Variants in ARMC9 observed in about 807,000 individuals in gnomAD.
ARMC9 encodes armadillo repeat containing 9.
In ARMC9, 94 loss-of-function variants were observed where a neutral mutation model predicts 107.0. The observed-to-expected ratio is 0.88, with a 90% CI of 0.74 to 1.04. ARMC9 has a LOEUF of 1.04. Among genes scored for constraint, ARMC9 ranks in the 50% least tolerant of loss-of-function variants. The pLI, the probability that ARMC9 is intolerant of heterozygous loss-of-function variation, is 0.00. For synonymous variants in ARMC9, 380 were observed against 396.9 expected (o/e 0.96, Z 0.51); for missense variants, 942 against 1,030.1 (o/e 0.91, Z 1.17).
intron 19 of ARMC9, among the ~76,000 whole-genome samples, chr2:231,328,246 A>C (rs1233280308): frequency 6.6e-6 from 1 of 152,114 alleles, no homozygotes; most frequent in Non-Finnish European, 1.5e-5. Flanking sequence ...TTTTCTAATT[A>C]GATTGTTTGG....
Position 231,276,706 on chromosome 2 carries a change from G to A in ARMC9, c.1405G>A (p.Asp469Asn). The part of the protein sequence containing the change: ...FWLVDVLKDP[D>N]CLSDYTLEYS... The stretch of plus-strand genomic sequence containing the variant: ...GCTGGTTGATGTTCTGAAGGACCCT[G>A]ACTGCCTGTCTGACTACACGCTGGA... The change falls in exon 15 of 25, where the codon GAC becomes AAC. Residue 469 changes from aspartate to asparagine, a missense_variant. Coordinates refer to ENST00000611582, the MANE Select transcript of ARMC9 (RefSeq NM_001352754.2). 6.2e-7 allele frequency: 1 copy of A among 1,614,158 alleles called. No homozygotes were observed. The highest frequency in any genetic ancestry group is 8.5e-7 in the Non-Finnish European group (1 of 1,180,046).
chr2:231,231,987 C>CCTTTGCCAGGTGACTTTTTAAAGT (rs2035271522), intron 7 of ARMC9, among the ~76,000 whole-genome samples: 1 of 150,568 alleles, frequency 6.6e-6, no homozygotes, highest in Admixed American at 6.6e-5. Context: ...CTGTTCCCGG[C>CCTTTGCCAGGTGACTTTTTAAAGT]TGAAAAACTG....
At chr2:231,211,029 T>C (rs2032770963) in intron 3 of ARMC9, among the ~76,000 whole-genome samples, 1 of 152,320 alleles carries the variant, frequency 6.6e-6, no homozygotes, top group East Asian at 1.9e-4. Flanking sequence ...ATTGGCTTAT[T>C]TCACTCAGCA....
At chr2:231,221,430 C>G (rs2034112367) in intron 5 of ARMC9, among the ~76,000 whole-genome samples, 1 of 152,162 alleles carries the variant, frequency 6.6e-6, no homozygotes, top group African/African-American at 2.4e-5. Context: ...GGGGTTAGGA[C>G]TTCAGCATGT....
chr2:231,361,155 C>T (rs972047424), intron 23 of ARMC9, among the ~76,000 whole-genome samples: 2 of 152,188 alleles, frequency 1.3e-5, no homozygotes, highest in African/African-American at 4.8e-5. Flanking sequence ...TCAAAACTGC[C>T]AGGCGGACTT....
chr2:231,337,290 ATTT>A (rs58078324), intron 20 of ARMC9, among the ~76,000 whole-genome samples: 1 of 38,014 alleles, frequency 2.6e-5, no homozygotes, highest in African/African-American at 1.2e-4. Context: ...ATATATATAT[ATTT>A]TTTTTTTTTT....
rs923603898 is a variant in ARMC9, at chr2:231,301,062, C to T, written c.1773+4809C>T. Among the ~76,000 whole-genome samples, 3 of 152,268 alleles carry T rather than the reference C, an allele frequency of 2.0e-5. No homozygotes were observed. In the East Asian group the frequency reaches 5.8e-4, roughly 29 times the overall value. ...CTTTCATACTTAAAAGATGCACACACAGAGTACACGGAGGTATGTACTACA... is the reference window on the plus strand; with the variant it reads ...CTTTCATACTTAAAAGATGCACACATAGAGTACACGGAGGTATGTACTACA... On this transcript the variant is annotated intron_variant, in intron 19 of 24. Transcript: ENST00000611582.
intron 19 of ARMC9, among the ~76,000 whole-genome samples, chr2:231,321,756 TCTC>T (rs2043007423): frequency 6.6e-6 from 1 of 152,138 alleles, no homozygotes; most frequent in Non-Finnish European, 1.5e-5. Context: ...CTCTTCCTCT[TCTC>T]CATGTGAAGC....
At chr2:231,257,265 G>A (rs2037912724) in intron 10 of ARMC9, among the ~76,000 whole-genome samples, 2 of 152,222 alleles carry the variant, frequency 1.3e-5, no homozygotes, top group African/African-American at 4.8e-5. Flanking sequence ...TATGTTGTCT[G>A]CTGGTTCACA....
At chr2:231,256,701 C>CT in intron 10 of ARMC9, 81 bp downstream of exon 10, 2 of 1,458,164 alleles carry the variant, frequency 1.4e-6, no homozygotes, top group Non-Finnish European at 1.9e-6. Flanking sequence ...TTAATAAACA[C>CT]TTAGCAGCCT....
chr2:231,285,734 C>T (rs2040544294), intron 17 of ARMC9, among the ~76,000 whole-genome samples: 2 of 152,086 alleles, frequency 1.3e-5, no homozygotes, highest in Non-Finnish European at 2.9e-5. Context: ...CCCCTTTTAG[C>T]CTGAGAACGC....
At chr2:231,336,041 T>G (rs1023640253) in intron 20 of ARMC9, among the ~76,000 whole-genome samples, 2 of 152,134 alleles carry the variant, frequency 1.3e-5, no homozygotes, top group Admixed American at 1.3e-4. Flanking sequence ...ATTGCACCAC[T>G]ACATTCCAGC....
intron 21 of ARMC9, among the ~76,000 whole-genome samples, chr2:231,353,483 CAA>C (rs2045193419): frequency 7.5e-6 from 1 of 133,466 alleles, no homozygotes; most frequent in East Asian, 1.9e-4. Flanking sequence ...CACCCGGCCA[CAA>C]AGTGACAATT....
chr2:231,263,480 A>G (rs1032637536), intron 12 of ARMC9, among the ~76,000 whole-genome samples: 2 of 152,170 alleles, frequency 1.3e-5, no homozygotes, highest in Non-Finnish European at 2.9e-5. Context: ...TCAGGAGCCT[A>G]CTCGCACAAT....
intron 6 of ARMC9, among the ~76,000 whole-genome samples, chr2:231,223,378 G>T (rs1398792380): frequency 6.6e-6 from 1 of 152,156 alleles, no homozygotes; most frequent in Non-Finnish European, 1.5e-5. Context: ...GCACTAACTG[G>T]ACAAAGTACC....
intron 8 of ARMC9, among the ~76,000 whole-genome samples, chr2:231,238,947 C>A (rs913081382): frequency 1.3e-5 from 2 of 152,180 alleles, no homozygotes; most frequent in Non-Finnish European, 2.9e-5. Context: ...CTGCTTCCCA[C>A]GCAGTCCTGG....
At chr2:231,285,927 TG>T (rs1468627733) in intron 17 of ARMC9, among the ~76,000 whole-genome samples, 1 of 152,198 alleles carries the variant, frequency 6.6e-6, no homozygotes, top group Non-Finnish European at 1.5e-5. Flanking sequence ...TGGGTGCATT[TG>T]CTTGGCAGAG....
At chr2:231,326,190 CTGCCCCA>C (rs1254549860) in intron 19 of ARMC9, among the ~76,000 whole-genome samples, 1 of 152,222 alleles carries the variant, frequency 6.6e-6, no homozygotes, top group East Asian at 1.9e-4. Flanking sequence ...CAGAAAGGGG[CTGCCCCA>C]AGCTTAAAGT....
intron 19 of ARMC9, among the ~76,000 whole-genome samples, chr2:231,324,538 G>A (rs985096656): frequency 1.3e-5 from 2 of 150,472 alleles, no homozygotes; most frequent in Non-Finnish European, 2.9e-5. Context: ...GATCACCTGA[G>A]GTTGGGAGTT....
Sources: allele counts gnomAD v4.1 joint callset (sites outside exome capture counted in the v4.1 genomes callset), GRCh38; gene constraint gnomAD v4.1.1; transcripts MANE v1.5; gene names NCBI Gene and HGNC (gene_info 2026-07-23, HGNC 2026-07-21).